Variants in ABAT observed in about 807,000 individuals in gnomAD.
ABAT encodes the protein 4-aminobutyrate aminotransferase.
A neutral mutation model predicts 64.6 loss-of-function variants in ABAT; 45 were observed. That is an observed-to-expected ratio of 0.70 (90% CI 0.55 to 0.89). The LOEUF is 0.89. Among genes scored for constraint, ABAT ranks in the 40% least tolerant of loss-of-function variants. The probability of loss-of-function intolerance (pLI) is 0.00; values close to 1 mark genes in which losing one functional copy is unlikely to be tolerated. For synonymous variants in ABAT, 297 were observed against 250.5 expected (o/e 1.19, Z -1.75); for missense variants, 633 against 658.4 (o/e 0.96, Z 0.42).
rs137992736 is a variant in ABAT, at chr16:8,691,092, C to G, written c.-42+16381C>G. On this transcript the variant is annotated intron_variant, in intron 1 of 15. Coordinates refer to ENST00000268251, the MANE Select transcript of ABAT (RefSeq NM_020686.6). ...AAATAGAATACAGATTTCAGTTAAG[C>G]TCTCCCTTCGTCAAACCACACTTGC... 1.7e-3 allele frequency among the ~76,000 whole-genome samples: 259 copies of G among 151,982 alleles called. 1 individual carries two copies. The highest frequency in any genetic ancestry group is 6.0e-3 in the African/African-American group (250 of 41,494).
chr16:8,761,869 C>G (rs1041097269), intron 6 of ABAT, among the ~76,000 whole-genome samples: 1 of 152,204 alleles, frequency 6.6e-6, no homozygotes, highest in African/African-American at 2.4e-5. Flanking sequence ...CCCTGAAACT[C>G]CACCATAATT....
chr16:8,742,722 C>T lies in ABAT; in HGVS notation c.71-3279C>T, dbSNP rs867344720. 9.9e-5 allele frequency among the ~76,000 whole-genome samples: 15 copies of T among 151,880 alleles called. No individual in the cohort carries two copies. The East Asian group carries it at 1.4e-3, about 14-fold the overall frequency. The stretch of plus-strand genomic sequence containing the variant: ...TCTGCCAAAAATGCAAAAAATTAGC[C>T]GGGCATGGTGACGCATGCCTGTGAT... On this transcript the variant is annotated intron_variant, in intron 2 of 15. Coordinates refer to ENST00000268251, the MANE Select transcript of ABAT (RefSeq NM_020686.6).
intron 1 of ABAT, among the ~76,000 whole-genome samples, chr16:8,687,651 C>G (rs910075178): frequency 6.6e-6 from 1 of 152,194 alleles, no homozygotes; most frequent in Non-Finnish European, 1.5e-5. Flanking sequence ...TCAGGTCCCA[C>G]GCGGTGCATC....
rs1488250705 is a variant in ABAT, at chr16:8,750,415, C to T, written c.199-7C>T. ...GTGAGCCTGAGTTGGTCTTTTCTTT[C>T]TCCAAGAATGCAGAGGCTGTGCATT... is the stretch of plus-strand genomic sequence containing the variant. On this transcript the variant is annotated splice_region_variant and splice_polypyrimidine_tract_variant and intron_variant, in intron 4 of 15. Coordinates refer to ENST00000268251, the MANE Select transcript of ABAT (RefSeq NM_020686.6). 1 of 1,613,248 alleles carries T rather than the reference C, an allele frequency of 6.2e-7. No individual in the cohort carries two copies. Among genetic ancestry groups the T allele is most frequent in the African/African-American group, 1.3e-5 (1 of 74,914 alleles).
chr16:8,756,178 C>T (rs989277042), intron 5 of ABAT, among the ~76,000 whole-genome samples: 1 of 152,118 alleles, frequency 6.6e-6, no homozygotes, highest in African/African-American at 2.4e-5. Flanking sequence ...CACGATTGTG[C>T]CACTGCACTC....
At chr16:8,707,353 A>ATTTTTTTTTTTTTTTTTTTTTTT (rs386384172) in intron 1 of ABAT, among the ~76,000 whole-genome samples, 1 of 123,948 alleles carries the variant, frequency 8.1e-6, no homozygotes, top group African/African-American at 3.3e-5. Context: ...TGCCAGGGTA[A>ATTTTTTTTTTTTTTTTTTTTTTT]TTTTTTTTTT....
chr16:8,707,510 C>T (rs2057975564), intron 1 of ABAT, among the ~76,000 whole-genome samples: 1 of 151,980 alleles, frequency 6.6e-6, no homozygotes, highest in Non-Finnish European at 1.5e-5. Context: ...ATTTTAGAGG[C>T]AAATGAGAGT....
rs2059319740 is a variant in ABAT, at chr16:8,746,081, C to G, written c.151C>G (p.Pro51Ala). Reference protein sequence around the residue: ...YDGPLMKTEVPGPRSQELMKQ... With the variant: ...YDGPLMKTEVAGPRSQELMKQ... ...TGGGCCTCTGATGAAGACGGAAGTCCCAGGGCCTAGATCTCAGGTGAGTTG... is the reference window on the plus strand; with the variant it reads ...TGGGCCTCTGATGAAGACGGAAGTCGCAGGGCCTAGATCTCAGGTGAGTTG... The change falls in exon 3 of 16, where the codon CCA (proline) becomes GCA (alanine). Residue 51 changes from proline (P) to alanine (A), a missense_variant. Physicochemically the swap from Pro to Ala is conservative, Grantham distance 27 (BLOSUM62 -1). Transcript: ENST00000268251. The G allele has an allele frequency of 6.2e-7, 1 of 1,613,514 alleles. No homozygotes were observed. Among genetic ancestry groups the G allele is most frequent in the African/African-American group, 1.3e-5 (1 of 74,976 alleles).
At position 8,776,115 on chromosome 16, in the gene ABAT, A is replaced by C. The variant is rs567146738; in HGVS notation, c.1123-229A>C. Among the ~76,000 whole-genome samples, 2 of 152,304 alleles carry C rather than the reference A, an allele frequency of 1.3e-5. No homozygotes were observed. Among genetic ancestry groups the C allele is most frequent in the Non-Finnish European group, 2.9e-5 (2 of 68,014 alleles). On this transcript the variant is annotated intron_variant, in intron 13 of 15. Transcript: ENST00000268251. This position sits in a 1 kb window ranked among gnomAD's most constrained non-coding sequence, Gnocchi z 4.4. ...TGGTCCTCCCCATAGCAGTTCCTACATGCAGGGCTGCTGTTGGAAGAATTC... is the reference window on the plus strand; with the variant it reads ...TGGTCCTCCCCATAGCAGTTCCTACCTGCAGGGCTGCTGTTGGAAGAATTC...
intron 1 of ABAT, among the ~76,000 whole-genome samples, chr16:8,721,439 C>G (rs969803558): frequency 3.3e-5 from 5 of 152,196 alleles, no homozygotes; most frequent in African/African-American, 1.2e-4. Flanking sequence ...ACCTGTGAGA[C>G]TCAGACCTAC....
At chr16:8,730,938 T>C (rs2058700340) in intron 1 of ABAT, among the ~76,000 whole-genome samples, 1 of 152,226 alleles carries the variant, frequency 6.6e-6, no homozygotes, top group Non-Finnish European at 1.5e-5. Flanking sequence ...TACTCATTAA[T>C]TGTTTATTTA....
chr16:8,735,874 C>A, intron 2 of ABAT, 65 bp downstream of exon 2: 1 of 1,451,100 alleles, frequency 6.9e-7, no homozygotes, highest in Non-Finnish European at 9.4e-7. Flanking sequence ...CTAGGGATTC[C>A]TGGGCTGGAA....
At chr16:8,756,309 C>T (rs1173253351) in intron 5 of ABAT, among the ~76,000 whole-genome samples, 2 of 152,142 alleles carry the variant, frequency 1.3e-5, no homozygotes, top group Admixed American at 6.5e-5. Flanking sequence ...TTCAAAAAGC[C>T]CTAGAAGATT....
intron 1 of ABAT, among the ~76,000 whole-genome samples, chr16:8,677,667 C>T (rs578234174): frequency 8.5e-5 from 13 of 152,282 alleles, no homozygotes; most frequent in African/African-American, 2.9e-4. Context: ...ACACTCCCTA[C>T]CCCATGAGTC....
chr16:8,726,476 C>A (rs1222282574), intron 1 of ABAT, among the ~76,000 whole-genome samples: 1 of 151,996 alleles, frequency 6.6e-6, no homozygotes, highest in East Asian at 1.9e-4. Flanking sequence ...CCAGGCTGGC[C>A]TCATGGGATC....
Position 8,768,232 on chromosome 16 carries a change from G to C in ABAT, c.643G>C (p.Gly215Arg), listed in dbSNP as rs762050203. The change falls in exon 10 of 16, where the codon GGC (glycine) becomes CGC (arginine). Residue 215 changes from glycine to arginine, a missense_variant. Gly to Arg is a moderately radical substitution (Grantham distance 125). Transcript: ENST00000268251. ...CGACTACAGCATCCTCTCCTTCATG[G>C]GCGCGTTCCATGGGAGGACCATGGG... is the stretch of plus-strand genomic sequence containing the variant. Reference protein sequence around the residue: ...CPDYSILSFMGAFHGRTMGCL... With the variant: ...CPDYSILSFMRAFHGRTMGCL... 6.2e-7 allele frequency: 1 copy of C among 1,614,046 alleles called. No homozygotes were observed. The highest frequency in any genetic ancestry group is 2.2e-5 in the East Asian group (1 of 44,886).
intron 1 of ABAT, among the ~76,000 whole-genome samples, chr16:8,690,998 A>G (rs977117628): frequency 3.3e-5 from 5 of 152,134 alleles, no homozygotes; most frequent in Non-Finnish European, 7.4e-5. Context: ...GCCTGGGGGA[A>G]ATAATGTTGT....
intron 5 of ABAT, among the ~76,000 whole-genome samples, chr16:8,756,955 A>G (rs2059665011): frequency 6.6e-6 from 1 of 152,196 alleles, no homozygotes; most frequent in African/African-American, 2.4e-5. Context: ...GGGAATAAGC[A>G]GATGTGTGAA....
chr16:8,701,374 C>T (rs1395216729), intron 1 of ABAT, among the ~76,000 whole-genome samples: 2 of 152,176 alleles, frequency 1.3e-5, no homozygotes, highest in African/African-American at 2.4e-5. Flanking sequence ...GAGTGAATAA[C>T]GTGAACACTG....
Sources: gnomAD v4.1 joint callset for allele counts (sites outside exome capture counted in the v4.1 genomes callset) on GRCh38, gnomAD v4.1.1 for gene constraint, Gnocchi (gnomAD v3.1) non-coding constraint, MANE v1.5 for transcripts, NCBI Gene and HGNC (gene_info 2026-07-23, HGNC 2026-07-21) for gene names.